CCDC149: variants seen among roughly 807,000 people sequenced by gnomAD.
The protein encoded by CCDC149 is coiled-coil domain-containing protein 149.
CCDC149 carries 45 observed loss-of-function variants against 59.9 expected under a neutral mutation model. That is an observed-to-expected ratio of 0.75 (90% CI 0.59 to 0.96). The LOEUF (loss-of-function observed/expected upper bound fraction) is 0.96, where lower values mean the gene tolerates loss of function less well. CCDC149 is among the 40% of genes least tolerant of loss of function. The probability of loss-of-function intolerance (pLI) is 0.00; values close to 1 mark genes in which losing one functional copy is unlikely to be tolerated. For synonymous variants in CCDC149, 245 were observed against 260.6 expected (o/e 0.94, Z 0.58); for missense variants, 584 against 664.7 (o/e 0.88, Z 1.33).
chr4:24,879,973 A>G (rs1378577238), intron 1 of CCDC149, among the ~76,000 whole-genome samples: 1 of 152,240 alleles, frequency 6.6e-6, no homozygotes, highest in African/African-American at 2.4e-5. Context: ...CAAGTTCAGA[A>G]GCAAGGAACA....
chr4:24,925,358 G>A (rs1479812410), intron 1 of CCDC149, among the ~76,000 whole-genome samples: 1 of 152,160 alleles, frequency 6.6e-6, no homozygotes, highest in African/African-American at 2.4e-5. Context: ...ACTTCAGTAT[G>A]CAATTGAATA....
chr4:24,884,686 T>G (rs1360643966), intron 1 of CCDC149, among the ~76,000 whole-genome samples: 1 of 152,220 alleles, frequency 6.6e-6, no homozygotes, highest in Non-Finnish European at 1.5e-5. Flanking sequence ...ACATGATCAA[T>G]TACCTAGCCT....
intron 12 of CCDC149, among the ~76,000 whole-genome samples, chr4:24,814,664 G>C (rs1416628645): frequency 2.0e-5 from 3 of 152,202 alleles, no homozygotes; most frequent in African/African-American, 4.8e-5. Flanking sequence ...CAGCACTGCA[G>C]GCTTGAAGCA....
At chr4:24,929,000 C>G (rs916289536) in intron 1 of CCDC149, among the ~76,000 whole-genome samples, 7 of 152,212 alleles carry the variant, frequency 4.6e-5, no homozygotes, top group African/African-American at 1.7e-4. Context: ...AGCTATGTGT[C>G]CGCCTAATTT....
Position 24,808,847 on chromosome 4 carries a change from A to G in CCDC149, c.1193-28T>C, listed in dbSNP as rs780041417. ...GAAAACAGAACGAGGACAACATTAAACCTCTGGCAGCAAATCAGCCCTCAC... is the reference window on the plus strand; with the variant it reads ...GAAAACAGAACGAGGACAACATTAAGCCTCTGGCAGCAAATCAGCCCTCAC... On this transcript the variant is annotated intron_variant, in intron 12 of 12. Transcript: ENST00000635206. 9 of 1,507,286 alleles carry G rather than the reference A, an allele frequency of 6.0e-6. No homozygotes were observed. In the African/African-American group the frequency reaches 1.3e-4, roughly 21 times the overall value. 93.4% of individuals were successfully genotyped at this position (1,507,286 alleles called of 1,614,324 possible). A position where few individuals can be genotyped will look rare whatever the true frequency, so the allele number is the denominator to read the frequency against.
At chr4:24,862,339 T>C (rs562324404) in intron 3 of CCDC149, among the ~76,000 whole-genome samples, 3 of 152,302 alleles carry the variant, frequency 2.0e-5, no homozygotes, top group Admixed American at 2.0e-4. Context: ...AGAACTTCTG[T>C]CTGTGGTAAC....
intron 3 of CCDC149, among the ~76,000 whole-genome samples, chr4:24,867,339 C>T (rs1009641273): frequency 6.6e-6 from 1 of 152,186 alleles, no homozygotes; most frequent in Non-Finnish European, 1.5e-5. Context: ...AACTTGAATC[C>T]ATGCAATTAA....
chr4:24,913,194 G>A (rs1722004471), upstream of CCDC149, among the ~76,000 whole-genome samples: 2 of 152,150 alleles, frequency 1.3e-5, no homozygotes, highest in South Asian at 4.1e-4. Context: ...GGAAGCCAGG[G>A]TCTCAGCCTA....
rs573343837 is a variant in CCDC149, at chr4:24,935,844, T to C, written c.-64-40726A>G. On this transcript the variant is annotated intron_variant, in intron 1 of 12. Coordinates refer to the CCDC149 transcript ENST00000389609. ...ACCAAAGTTATATATTTGCGAGTCA[T>C]CTATATATAGCTGGTATTTAAAACC... 3.3e-5 allele frequency among the ~76,000 whole-genome samples: 5 copies of C among 152,318 alleles called. No individual in the cohort carries two copies. The South Asian group carries it at 1.0e-3, about 32-fold the overall frequency.
At chr4:24,841,414 T>C (rs189361841) in intron 4 of CCDC149, among the ~76,000 whole-genome samples, 57 of 152,384 alleles carry the variant, frequency 3.7e-4, no homozygotes, top group African/African-American at 1.0e-3. Flanking sequence ...CTTTTATATA[T>C]TGGATGCCTG....
intron 4 of CCDC149, among the ~76,000 whole-genome samples, chr4:24,852,444 A>G (rs1177689477): frequency 6.6e-6 from 1 of 152,190 alleles, no homozygotes; most frequent in East Asian, 1.9e-4. Flanking sequence ...GGGAGGACAG[A>G]ATTAAACTTG....
intron 2 of CCDC149, 139 bp from the exon 3 acceptor site, chr4:24,873,858 A>T: frequency 1.6e-6 from 1 of 637,574 alleles, no homozygotes. Flanking sequence ...TGCTGAAGCA[A>T]GCTCAAATAT....
intron 1 of CCDC149, among the ~76,000 whole-genome samples, chr4:24,909,535 G>A (rs1721746487): frequency 6.6e-6 from 1 of 152,180 alleles, no homozygotes; most frequent in Admixed American, 6.5e-5. Context: ...TGCAACCCCA[G>A]GCACTTTTCA....
intron 1 of CCDC149, among the ~76,000 whole-genome samples, chr4:24,911,884 T>C (rs1721893293): frequency 6.6e-6 from 1 of 152,186 alleles, no homozygotes; most frequent in Non-Finnish European, 1.5e-5. Context: ...CTGCATTGTG[T>C]GCACAGGATT....
intron 7 of CCDC149, among the ~76,000 whole-genome samples, chr4:24,835,298 GTTAAA>G (rs1716444959): frequency 1.3e-5 from 2 of 152,330 alleles, no homozygotes; most frequent in East Asian, 1.9e-4. Context: ...CTTAATACAT[GTTAAA>G]TTAAATCAAA....
chr4:24,831,564 G>C lies in CCDC149; in HGVS notation c.907C>G (p.Leu303Val). 2 of 1,614,102 alleles carry C rather than the reference G, an allele frequency of 1.2e-6. No individual in the cohort carries two copies. Among genetic ancestry groups the C allele is most frequent in the Non-Finnish European group, 1.7e-6 (2 of 1,180,006 alleles). The stretch of plus-strand genomic sequence containing the variant: ...TTTTTCTCGTGGATTGTTTCCAACA[G>C]GGCTGTTGCCAGAGATTTCAGGTCA... Residue 303 changes from leucine to valine, a missense_variant, in exon 9 of 13, where the codon CTG becomes GTG. Leu to Val is a conservative substitution (Grantham distance 32, BLOSUM62 1). Coordinates refer to ENST00000635206, the MANE Select transcript of CCDC149 (RefSeq NM_001330643.2).
chr4:24,936,232 T>C (rs140461848), intron 1 of CCDC149, among the ~76,000 whole-genome samples: 378 of 152,106 alleles, frequency 2.5e-3, no homozygotes, highest in African/African-American at 8.7e-3. Flanking sequence ...GTCAGTAGGG[T>C]CAGTGGGGGG....
upstream of CCDC149, among the ~76,000 whole-genome samples, chr4:24,913,731 G>T (rs1418189930): frequency 6.6e-6 from 1 of 152,124 alleles, no homozygotes; most frequent in African/African-American, 2.4e-5. Flanking sequence ...ATCCCTTGAG[G>T]ACAGGAGTTC....
At chr4:24,894,970 T>C (rs913952769) in intron 1 of CCDC149, 18 of 1,535,962 alleles carry the variant, frequency 1.2e-5, no homozygotes, top group Admixed American at 9.8e-5. Context: ...TAAAGTCCCA[T>C]GCAGGCATGG....
Sources: gnomAD v4.1 joint callset for allele counts (sites outside exome capture counted in the v4.1 genomes callset) on GRCh38, gnomAD v4.1.1 for gene constraint, MANE v1.5 for transcripts, NCBI Gene and HGNC (gene_info 2026-07-23, HGNC 2026-07-21) for gene names.